Variants in PIERCE2 observed in about 807,000 individuals in gnomAD.
PIERCE2 encodes piercer of microtubule wall 2 protein.
chr15:55,413,477 G>T, the PIERCE2 span, among the ~76,000 whole-genome samples: 467 of 151,852 alleles, frequency 3.1e-3, 2 homozygotes, highest in African/African-American at 0.011. Flanking sequence ...TGTTTTTAAG[G>T]GCCGGCCGTG....
chr15:55,415,584 A>G, the PIERCE2 span, among the ~76,000 whole-genome samples: 7 of 152,094 alleles, frequency 4.6e-5, no homozygotes, highest in African/African-American at 7.2e-5. Context: ...TTACAACTCT[A>G]AGGGGGTCCG....
the PIERCE2 span, chr15:55,408,789 G>A: frequency 6.6e-7 from 1 of 1,523,044 alleles, no homozygotes; most frequent in Non-Finnish European, 8.8e-7. Context: ...GCAACCGGGT[G>A]AGTTTAGGCA....
chr15:55,413,774 A>AC, the PIERCE2 span, among the ~76,000 whole-genome samples: 9 of 150,186 alleles, frequency 6.0e-5, no homozygotes, highest in African/African-American at 2.2e-4. Context: ...AAAAAAAAAA[A>AC]AAAAAGACTG....
chr15:55,416,573 T>C, the PIERCE2 span, among the ~76,000 whole-genome samples: 27,033 of 152,076 alleles, frequency 0.18, 4,147 homozygotes, highest in African/African-American at 0.42. Flanking sequence ...TCCAGAAACC[T>C]GGAAGTTATC....
At chr15:55,411,341 G>A in the PIERCE2 span, among the ~76,000 whole-genome samples, 3 of 151,830 alleles carry the variant, frequency 2.0e-5, no homozygotes, top group South Asian at 2.1e-4. Flanking sequence ...GCAGGCACCT[G>A]TAGTCCCAGC....
the PIERCE2 span, among the ~76,000 whole-genome samples, chr15:55,412,084 T>A: frequency 8.0e-6 from 1 of 124,846 alleles, no homozygotes. Context: ...GAGTGAGACT[T>A]TGTCTCCACA....
chr15:55,409,636 T>C, the PIERCE2 span, among the ~76,000 whole-genome samples: 1 of 152,206 alleles, frequency 6.6e-6, no homozygotes, highest in African/African-American at 2.4e-5. Context: ...ATATTCAACA[T>C]CAACAGTGAC....
the PIERCE2 span, chr15:55,418,741 A>G: frequency 1.9e-6 from 1 of 520,966 alleles, no homozygotes; most frequent in Non-Finnish European, 3.3e-6. Flanking sequence ...TTAAATGAAA[A>G]TATGTTCAAA....
At chr15:55,410,048 T>C in the PIERCE2 span, among the ~76,000 whole-genome samples, 6 of 152,050 alleles carry the variant, frequency 3.9e-5, no homozygotes, top group African/African-American at 1.4e-4. Context: ...GAATATCAGG[T>C]TTGAAGAAGG....
the PIERCE2 span, among the ~76,000 whole-genome samples, chr15:55,409,959 G>A: frequency 7.2e-5 from 11 of 152,022 alleles, no homozygotes; most frequent in Admixed American, 3.3e-4. Context: ...CAGATAATTT[G>A]AACTCATCCT....
the PIERCE2 span, among the ~76,000 whole-genome samples, chr15:55,414,261 A>T: frequency 2.8e-5 from 4 of 144,716 alleles, no homozygotes; most frequent in Admixed American, 2.8e-4. Flanking sequence ...GGCTGGAGTC[A>T]GTGAGTGGCA....
the PIERCE2 span, chr15:55,410,749 GGT>G: frequency 6.6e-6 from 1 of 152,222 alleles, no homozygotes; most frequent in Non-Finnish European, 1.5e-5. Flanking sequence ...AACCTGCTTA[GGT>G]GCCCATAAAA....
the PIERCE2 span, chr15:55,408,599 G>A: frequency 4.8e-6 from 2 of 414,766 alleles, no homozygotes; most frequent in Middle Eastern, 5.3e-4. Flanking sequence ...ACAGCTCCCC[G>A]GATTAAACGG....
chr15:55,415,647 G>A, the PIERCE2 span, among the ~76,000 whole-genome samples: 1 of 152,142 alleles, frequency 6.6e-6, no homozygotes, highest in South Asian at 2.1e-4. Context: ...ACTGGGGGCT[G>A]CATGCACCAG....
At chr15:55,411,660 G>A in the PIERCE2 span, among the ~76,000 whole-genome samples, 2 of 151,902 alleles carry the variant, frequency 1.3e-5, no homozygotes, top group Admixed American at 6.6e-5. Context: ...GGTGGCTCAC[G>A]CTTGTAATTC....
chr15:55,418,743 A>G, the PIERCE2 span: 24 of 513,890 alleles, frequency 4.7e-5, no homozygotes, highest in Non-Finnish European at 6.6e-5. Flanking sequence ...AAATGAAAAT[A>G]TGTTCAAAAT....
chr15:55,409,919 T>C, the PIERCE2 span, among the ~76,000 whole-genome samples: 1 of 152,228 alleles, frequency 6.6e-6, no homozygotes, highest in Non-Finnish European at 1.5e-5. Context: ...TTAACCTTTT[T>C]ATCATTTAAT....
chr15:55,415,335 AATCCC>A, the PIERCE2 span, among the ~76,000 whole-genome samples: 1 of 151,972 alleles, frequency 6.6e-6, no homozygotes, highest in African/African-American at 2.4e-5. Context: ...AGGTGCCTGT[AATCCC>A]ATCTACTCGG....
chr15:55,415,661 T>G, the PIERCE2 span, among the ~76,000 whole-genome samples: 1 of 151,990 alleles, frequency 6.6e-6, no homozygotes, highest in South Asian at 2.1e-4. Flanking sequence ...GCACCAGTAA[T>G]TAGAATGGAA....
Sources: gnomAD v4.1 joint callset for allele counts (sites outside exome capture counted in the v4.1 genomes callset) on GRCh38, gnomAD v4.1.1 for gene constraint, MANE v1.5 for transcripts, NCBI Gene and HGNC (gene_info 2026-07-23, HGNC 2026-07-21) for gene names.